VPS53: variants seen among roughly 807,000 people sequenced by gnomAD.
VPS53 encodes VPS53 subunit of GARP complex.
VPS53 carries 70 observed loss-of-function variants against 107.0 expected under a neutral mutation model. The ratio of observed to expected loss-of-function variants is 0.65; its 90% CI spans 0.54 to 0.80. VPS53 has a LOEUF of 0.80. VPS53 is among the 30% of genes least tolerant of loss of function. The probability of loss-of-function intolerance (pLI) is 0.00; values close to 1 mark genes in which losing one functional copy is unlikely to be tolerated. For missense variants in VPS53, 917 were observed against 1,049.4 expected, an observed-to-expected ratio of 0.87 and a Z score of 1.74; for synonymous variants, 409 against 393.3, an observed-to-expected ratio of 1.04 and a Z score of -0.47.
chr17:542,696 G>C (rs1014230532), intron 17 of VPS53, among the ~76,000 whole-genome samples: 4 of 152,054 alleles, frequency 2.6e-5, no homozygotes, highest in Non-Finnish European at 4.4e-5. Context: ...AAAAAAATCT[G>C]ACCGGGCGCG....
intron 17 of VPS53, among the ~76,000 whole-genome samples, chr17:545,637 C>T (rs1021363408): frequency 1.3e-5 from 2 of 152,228 alleles, no homozygotes; most frequent in African/African-American, 4.8e-5. Context: ...CTTTCTCTCC[C>T]ACTCCCTGGC....
chr17:596,129 A>G (rs1442998021), intron 12 of VPS53, among the ~76,000 whole-genome samples: 1 of 152,282 alleles, frequency 6.6e-6, no homozygotes, highest in Non-Finnish European at 1.5e-5. Context: ...ATTTCAAAAT[A>G]TAAAGTTTTT....
chr17:621,097 T>C (rs1969450785), intron 11 of VPS53, among the ~76,000 whole-genome samples: 1 of 152,234 alleles, frequency 6.6e-6, no homozygotes, highest in Non-Finnish European at 1.5e-5. Context: ...CTTCTCTACC[T>C]ACTCTCACTC....
intron 14 of VPS53, among the ~76,000 whole-genome samples, chr17:560,838 G>T (rs1912883441): frequency 6.6e-6 from 1 of 152,210 alleles, no homozygotes; most frequent in Non-Finnish European, 1.5e-5. Context: ...CAAAGGGAAG[G>T]CTGCTGAGCT....
chr17:533,496 C>T (rs1160404836), intron 18 of VPS53, among the ~76,000 whole-genome samples: 1 of 152,172 alleles, frequency 6.6e-6, no homozygotes, highest in Non-Finnish European at 1.5e-5. Flanking sequence ...ACTTGCAGAT[C>T]CCAGGATTCT....
chr17:628,618 C>T (rs1969816831), intron 8 of VPS53, among the ~76,000 whole-genome samples: 2 of 152,168 alleles, frequency 1.3e-5, no homozygotes, highest in African/African-American at 4.8e-5. Context: ...CAGCCTCTCT[C>T]CTAAGAGTTG....
chr17:676,786 A>T (rs911335221), intron 4 of VPS53, among the ~76,000 whole-genome samples: 1 of 152,168 alleles, frequency 6.6e-6, no homozygotes, highest in Admixed American at 6.5e-5. Context: ...TTCTAAGGTC[A>T]GGAAGGAAAC....
intron 4 of VPS53, among the ~76,000 whole-genome samples, chr17:693,871 G>T (rs888664295): frequency 1.2e-4 from 18 of 152,228 alleles, no homozygotes; most frequent in African/African-American, 4.3e-4. Flanking sequence ...GGAAGCGAGT[G>T]CTGAAAGCAA....
intron 3 of VPS53, among the ~76,000 whole-genome samples, chr17:698,965 C>T (rs1256317262): frequency 2.6e-5 from 4 of 151,704 alleles, no homozygotes; most frequent in Non-Finnish European, 4.4e-5. Context: ...GTCAGGAGTT[C>T]GAGACCAGCC....
At chr17:673,169 C>CAGG (rs1290448401) in intron 4 of VPS53, among the ~76,000 whole-genome samples, 1 of 151,872 alleles carries the variant, frequency 6.6e-6, no homozygotes, top group Non-Finnish European at 1.5e-5. Context: ...TTTCGAAAGC[C>CAGG]AGGAGGTCCT....
intron 12 of VPS53, among the ~76,000 whole-genome samples, chr17:591,622 T>A (rs1967656174): frequency 6.6e-6 from 1 of 152,234 alleles, no homozygotes; most frequent in African/African-American, 2.4e-5. Flanking sequence ...ATTTCTGCCT[T>A]CATTTCGTTA....
Position 516,919 on chromosome 17 carries a change from C to T in VPS53, c.*2209G>A, listed in dbSNP as rs1415816210. ...TGGAGCCGTCCGGAAAACGACTCCT[C>T]AACAATGAACCAAAAAGAGAAGTGG... On this transcript the variant is annotated 3_prime_UTR_variant, in exon 22 of 22. Transcript: ENST00000437048. 1 of 152,566 alleles carries T rather than the reference C, an allele frequency of 6.6e-6. No homozygotes were observed. Among genetic ancestry groups the T allele is most frequent in the Non-Finnish European group, 1.5e-5 (1 of 68,234 alleles). The allele number at this position is 152,566 out of a possible 1,614,324, so 9.5% of individuals were successfully genotyped here.
chr17:710,586 G>C lies in VPS53; in HGVS notation c.115C>G (p.Arg39Gly). 2 of 1,613,954 alleles carry C rather than the reference G, an allele frequency of 1.2e-6. No homozygotes were observed. The highest frequency in any genetic ancestry group is 1.7e-6 in the Non-Finnish European group (2 of 1,179,896). ...TACTCAACAGCATTGAAATCTGCTC[G>C]ATCTAGAGGGTCCTGGCTTGGAAAC... is the stretch of plus-strand genomic sequence containing the variant. Reference protein sequence around the residue: ...QVFPSQDPLDRADFNAVEYIN... With the variant: ...QVFPSQDPLDGADFNAVEYIN... The change falls in exon 2 of 22, where the codon CGA becomes GGA. Residue 39 changes from arginine to glycine, a missense_variant. Transcript: ENST00000437048.
intron 1 of VPS53, 199 bp downstream of exon 1, chr17:714,420 ACAAT>A (rs1973767832): frequency 8.6e-6 from 5 of 584,232 alleles, no homozygotes; most frequent in Middle Eastern, 4.6e-4. Flanking sequence ...CTCGCCAAAG[ACAAT>A]CAAAGCCTAG....
chr17:625,623 G>A (rs979310443), intron 10 of VPS53, among the ~76,000 whole-genome samples: 2 of 152,148 alleles, frequency 1.3e-5, no homozygotes, highest in African/African-American at 4.8e-5. Flanking sequence ...GGAAGGTGCC[G>A]ACCATGGGGA....
chr17:628,379 C>T lies in VPS53; in HGVS notation c.688-148G>A, dbSNP rs999629300. 4 of 932,362 alleles carry T rather than the reference C, an allele frequency of 4.3e-6. No individual in the cohort carries two copies. The Admixed American group carries it at 1.0e-4, about 23-fold the overall frequency. The allele number at this position is 932,362 out of a possible 1,614,324, so 57.8% of individuals were successfully genotyped here. A position where few individuals can be genotyped will look rare whatever the true frequency, so the allele number is the denominator to read the frequency against. On this transcript the variant is annotated intron_variant, in intron 8 of 21. Coordinates refer to ENST00000437048, the MANE Select transcript of VPS53 (RefSeq NM_001128159.3). The stretch of plus-strand genomic sequence containing the variant: ...TTCTTTCTGCTGTGGCTGGATCTGT[C>T]AGTTACCTGCTGCTCCTCGAGGATG...
At chr17:714,327 T>C in intron 1 of VPS53, 1 of 414,810 alleles carries the variant, frequency 2.4e-6, no homozygotes, top group Non-Finnish European at 4.3e-6. Flanking sequence ...AATCTGAGGA[T>C]GGCACCCAAG....
At chr17:578,813 A>G (rs1914895067) in intron 13 of VPS53, among the ~76,000 whole-genome samples, 1 of 151,560 alleles carries the variant, frequency 6.6e-6, no homozygotes, top group African/African-American at 2.4e-5. Context: ...ACAGAATCTC[A>G]GTGCATTACC....
At chr17:541,433 A>G (rs1910634904) in intron 17 of VPS53, among the ~76,000 whole-genome samples, 1 of 149,702 alleles carries the variant, frequency 6.7e-6, no homozygotes, top group Non-Finnish European at 1.5e-5. Flanking sequence ...TCAAGCACCT[A>G]CCATGCACCA....
Sources: allele counts gnomAD v4.1 joint callset (sites outside exome capture counted in the v4.1 genomes callset), GRCh38; gene constraint gnomAD v4.1.1; transcripts MANE v1.5; gene names NCBI Gene and HGNC (gene_info 2026-07-23, HGNC 2026-07-21).